The following OPHN1 variants were observed in gnomAD, a reference collection of about 807,000 sequenced individuals.
OPHN1 encodes oligophrenin-1.
A neutral mutation model predicts 60.7 loss-of-function variants in OPHN1; 11 were observed. The ratio of observed to expected loss-of-function variants is 0.18; its 90% CI spans 0.11 to 0.30. The LOEUF is 0.30. Ranked by LOEUF, OPHN1 falls within the 10% of genes least tolerant of loss-of-function variation. The pLI, the probability that OPHN1 is intolerant of heterozygous loss-of-function variation, is 1.00. For missense variants in OPHN1, 449 were observed against 611.0 expected, an observed-to-expected ratio of 0.73 and a Z score of 2.80; for synonymous variants, 226 against 222.6, an observed-to-expected ratio of 1.02 and a Z score of -0.14.
rs200356209 is a variant in OPHN1 at position 68,104,662 on chromosome X, AG to A, written c.1526+7191del. Among the ~76,000 whole-genome samples, 120 of 112,324 alleles carry A rather than the reference AG, an allele frequency of 1.1e-3. 1 individual carries two copies. The East Asian group carries it at 0.029, about 27-fold the overall frequency. On this transcript the variant is annotated intron_variant, in intron 18 of 24. Coordinates refer to ENST00000355520, the MANE Select transcript of OPHN1 (RefSeq NM_002547.3). Reference sequence around the variant, plus strand: ...TTCCTTAGACCTTATAGTTAACACAAGGTGGATTAAAGACTTAAATGTAAGA... The same window carrying A: ...TTCCTTAGACCTTATAGTTAACACAAGTGGATTAAAGACTTAAATGTAAGA...
chrX:68,201,122 T>C (rs1017954645), intron 11 of OPHN1, among the ~76,000 whole-genome samples: 6 of 111,658 alleles, frequency 5.4e-5, no homozygotes, highest in Non-Finnish European at 1.1e-4. Flanking sequence ...TTCCAGTTCA[T>C]TGAGTATCTG....
chrX:68,248,965 G>A (rs751149725), intron 5 of OPHN1, among the ~76,000 whole-genome samples: 1 of 112,087 alleles, frequency 8.9e-6, no homozygotes, highest in South Asian at 3.8e-4. Flanking sequence ...GTGGAGGGAT[G>A]ATGGGGAGGT....
rs188309406 is a variant in OPHN1 at position 68,424,873 on chromosome X, A to G, written c.154+7994T>C. ...ACTCTGGAATCTGGTCTTGTGAGGA[A>G]CTCCAATGAATATGGCAATATATCA... On this transcript the variant is annotated intron_variant, in intron 2 of 24. Transcript: ENST00000355520. Among the ~76,000 whole-genome samples, 4 of 110,985 alleles carry G rather than the reference A, an allele frequency of 3.6e-5. No homozygotes were observed. In the Admixed American group the frequency reaches 3.9e-4, roughly 11 times the overall value.
chrX:68,311,172 A>C (rs1172958471), intron 2 of OPHN1, among the ~76,000 whole-genome samples: 1 of 111,548 alleles, frequency 9.0e-6, no homozygotes, highest in Non-Finnish European at 1.9e-5. Context: ...GTTGGAGGGA[A>C]GTTGAGGCTG....
At chrX:68,351,458 C>T (rs781361787) in intron 2 of OPHN1, among the ~76,000 whole-genome samples, 4 of 111,616 alleles carry the variant, frequency 3.6e-5, no homozygotes, top group African/African-American at 1.3e-4. Context: ...AATATTCCAT[C>T]TCATTGTTAC....
At chrX:68,112,057 ACATG>A (rs1414314216) in intron 17 of OPHN1, 98 bp from the exon 18 acceptor site, 2 of 430,127 alleles carry the variant, frequency 4.6e-6, no homozygotes, top group South Asian at 5.8e-5. Context: ...ACACATGCAC[ACATG>A]CACACACACA....
chrX:68,155,188 A>G (rs1730819180), intron 15 of OPHN1, among the ~76,000 whole-genome samples: 1 of 112,137 alleles, frequency 8.9e-6, no homozygotes, highest in Non-Finnish European at 1.9e-5. Context: ...ACATAAAGGC[A>G]CAGATCACTA....
intron 19 of OPHN1, among the ~76,000 whole-genome samples, chrX:68,086,496 T>C (rs1293831678): frequency 8.9e-6 from 1 of 112,286 alleles, no homozygotes; most frequent in Non-Finnish European, 1.9e-5. Flanking sequence ...CTAAGTGTTT[T>C]ATGTATATTA....
chrX:68,302,217 G>A (rs1013020370), intron 2 of OPHN1, among the ~76,000 whole-genome samples: 27 of 112,231 alleles, frequency 2.4e-4, no homozygotes, highest in Non-Finnish European at 4.1e-4. Flanking sequence ...TCTTCAGGGC[G>A]TATGTTTTCA....
At chrX:68,078,254 C>A (rs772533418) in intron 19 of OPHN1, among the ~76,000 whole-genome samples, 36 of 111,221 alleles carry the variant, frequency 3.2e-4, no homozygotes, top group Middle Eastern at 4.7e-3. Context: ...AAACATCCAA[C>A]AATGCCCAGG....
chrX:68,365,263 A>G (rs1418923950), intron 2 of OPHN1, among the ~76,000 whole-genome samples: 1 of 110,673 alleles, frequency 9.0e-6, no homozygotes, highest in Non-Finnish European at 1.9e-5. Context: ...CTTAAAGGAT[A>G]TGTAGGAGTT....
Position 68,342,552 on chromosome X carries a change from T to C in OPHN1, c.155-43456A>G, listed in dbSNP as rs368449013. Among the ~76,000 whole-genome samples, 3 of 111,988 alleles carry C rather than the reference T, an allele frequency of 2.7e-5. No individual in the cohort carries two copies. The South Asian group carries it at 1.1e-3, about 41-fold the overall frequency. On this transcript the variant is annotated intron_variant, in intron 2 of 24. Transcript: ENST00000355520. The stretch of plus-strand genomic sequence containing the variant: ...AAAATAAAATGTTTTTAAAAATAAA[T>C]GAATACAAATATATACAATAAAAAT...
intron 6 of OPHN1, among the ~76,000 whole-genome samples, chrX:68,233,155 T>C (rs2077736720): frequency 8.9e-6 from 1 of 111,743 alleles, no homozygotes; most frequent in African/African-American, 3.3e-5. Context: ...TGCAAACTCT[T>C]GACCTCAAGA....
intron 15 of OPHN1, among the ~76,000 whole-genome samples, chrX:68,158,006 C>T (rs868632108): frequency 9.0e-5 from 10 of 110,968 alleles, no homozygotes; most frequent in Non-Finnish European, 1.5e-4. Context: ...TGGAGTGCAG[C>T]GGCACAATCT....
intron 18 of OPHN1, among the ~76,000 whole-genome samples, chrX:68,098,648 G>A (rs2077046573): frequency 8.9e-6 from 1 of 111,821 alleles, no homozygotes; most frequent in African/African-American, 3.3e-5. Context: ...CTGGTGATGT[G>A]TTCCTTTTAA....
chrX:68,082,350 T>G (rs1320023122), intron 19 of OPHN1, among the ~76,000 whole-genome samples: 1 of 112,585 alleles, frequency 8.9e-6, no homozygotes, highest in Non-Finnish European at 1.9e-5. Flanking sequence ...AAATTTACTT[T>G]GCCCAGATTC....
chrX:68,355,856 A>T (rs2078437345), intron 2 of OPHN1, among the ~76,000 whole-genome samples: 1 of 111,209 alleles, frequency 9.0e-6, no homozygotes, highest in South Asian at 3.8e-4. Flanking sequence ...GGTCAACATG[A>T]CAAAACCCCA....
At chrX:68,167,576 TATATCTGTATACATATACACATGTATAC>T (rs1201447924) in intron 15 of OPHN1, among the ~76,000 whole-genome samples, 1 of 110,754 alleles carries the variant, frequency 9.0e-6, no homozygotes, top group Non-Finnish European at 1.9e-5. Context: ...TGTACATATG[TATATCTGTATACATATACACATGTATAC>T]ATATCTGTAT....
At chrX:68,361,192 A>C (rs933842957) in intron 2 of OPHN1, 4 of 111,735 alleles carry the variant, frequency 3.6e-5, no homozygotes, top group South Asian at 3.7e-4. Flanking sequence ...TCTTAAAAAT[A>C]AAAATAAGGC....
Sources: gnomAD v4.1 joint callset for allele counts (sites outside exome capture counted in the v4.1 genomes callset) on GRCh38, gnomAD v4.1.1 for gene constraint, MANE v1.5 for transcripts, NCBI Gene and HGNC (gene_info 2026-07-23, HGNC 2026-07-21) for gene names.